ADARB2: variants seen among roughly 807,000 people sequenced by gnomAD.
ADARB2 encodes the protein inactive double-stranded RNA-specific editase B2.
Under a neutral mutation model 62.2 loss-of-function variants are expected in ADARB2, and 25 were observed. The observed-to-expected ratio is 0.40, with a 90% CI of 0.29 to 0.56. The LOEUF (loss-of-function observed/expected upper bound fraction) is 0.56, where lower values mean the gene tolerates loss of function less well. ADARB2 is among the 20% of genes least tolerant of loss of function. ADARB2 has a pLI of 0.43. For missense variants in ADARB2, 1,071 were observed against 1,077.4 expected (o/e 0.99, Z 0.08); for synonymous variants, 572 against 500.8 (o/e 1.14, Z -1.90).
At chr10:1,499,695 TACTC>T (rs1276098477) in intron 1 of ADARB2, among the ~76,000 whole-genome samples, 1 of 151,844 alleles carries the variant, frequency 6.6e-6, no homozygotes, top group Non-Finnish European at 1.5e-5. Context: ...ATTCACTCAT[TACTC>T]ACTCATAATT....
chr10:1,250,004 C>T (rs941418881), intron 4 of ADARB2, among the ~76,000 whole-genome samples: 2 of 137,866 alleles, frequency 1.5e-5, no homozygotes, highest in South Asian at 2.8e-4. Context: ...ATAAGTTTAA[C>T]GAGAAATGAC....
At chr10:1,303,712 G>C (rs533378977) in intron 3 of ADARB2, among the ~76,000 whole-genome samples, 1 of 152,250 alleles carries the variant, frequency 6.6e-6, no homozygotes, top group African/African-American at 2.4e-5. Flanking sequence ...GAAGAGAGTG[G>C]GGACCAATAT....
chr10:1,647,527 ATGTG>A (rs1834059183), intron 1 of ADARB2, among the ~76,000 whole-genome samples: 1 of 152,018 alleles, frequency 6.6e-6, no homozygotes, highest in African/African-American at 2.4e-5. Flanking sequence ...ATATGCATGC[ATGTG>A]TGTTTATGTG....
chr10:1,265,978 G>T (rs1831194439), intron 4 of ADARB2, among the ~76,000 whole-genome samples: 1 of 132,292 alleles, frequency 7.6e-6, no homozygotes. Flanking sequence ...CCGGAAGACG[G>T]CCTGAGTCAG....
intron 1 of ADARB2, among the ~76,000 whole-genome samples, chr10:1,658,231 T>C (rs1439905685): frequency 6.6e-6 from 1 of 151,750 alleles, no homozygotes. Flanking sequence ...TATCTGATTC[T>C]CTCTCTCTCT....
At position 1,571,285 on chromosome 10, in the gene ADARB2, CT is replaced by C. The variant is rs768695693; in HGVS notation, c.100+165765del. Among the ~76,000 whole-genome samples, 399 of 139,342 alleles carry C rather than the reference CT, an allele frequency of 2.9e-3. 9 individuals carry two copies. In the East Asian group the frequency reaches 0.043, roughly 15 times the overall value. 91.4% of individuals were successfully genotyped at this position (139,342 alleles called of 152,430 possible). A position where few individuals can be genotyped will look rare whatever the true frequency, so the allele number is the denominator to read the frequency against. ...AAGTGTAACTTTTGATCTATTTTTA[CT>C]TTTTTTTTTTTAAAAAAAGCCTGTA... On this transcript the variant is annotated intron_variant, in intron 1 of 9. Coordinates refer to ENST00000381312, the MANE Select transcript of ADARB2 (RefSeq NM_018702.4).
chr10:1,559,046 C>T (rs1438786737), intron 1 of ADARB2, among the ~76,000 whole-genome samples: 1 of 152,208 alleles, frequency 6.6e-6, no homozygotes, highest in Non-Finnish European at 1.5e-5. Context: ...CTCTCAATCG[C>T]ATCCCCAGTG....
At chr10:1,576,152 G>GAGGGGGCCCAGA (rs1833017732) in intron 1 of ADARB2, among the ~76,000 whole-genome samples, 1 of 127,570 alleles carries the variant, frequency 7.8e-6, no homozygotes, top group Non-Finnish European at 1.7e-5. Context: ...GGGGGTCCAC[G>GAGGGGGCCCAGA]GTCACAGGAG....
chr10:1,402,261 C>T (rs113492092), intron 1 of ADARB2, among the ~76,000 whole-genome samples: 2,911 of 152,298 alleles, frequency 0.019, 42 homozygotes, highest in Middle Eastern at 0.044. Context: ...TTTACGCGTG[C>T]GCGCGCCGGT....
intron 1 of ADARB2, among the ~76,000 whole-genome samples, chr10:1,627,924 T>TC (rs1469289062): frequency 6.6e-6 from 1 of 152,006 alleles, no homozygotes; most frequent in Non-Finnish European, 1.5e-5. Context: ...AAGGTGTGAC[T>TC]CCCCCCAGCA....
chr10:1,678,962 C>A (rs1166026404), intron 1 of ADARB2, among the ~76,000 whole-genome samples: 7 of 152,204 alleles, frequency 4.6e-5, no homozygotes, highest in Admixed American at 6.5e-5. Flanking sequence ...CCCTCACGGG[C>A]ATTCAGGCCA....
chr10:1,223,760 C>A (rs9651399), intron 6 of ADARB2, among the ~76,000 whole-genome samples: 5 of 151,952 alleles, frequency 3.3e-5, no homozygotes, highest in African/African-American at 7.3e-5. Flanking sequence ...GCCTTGCATC[C>A]CAGGGATGAA....
intron 1 of ADARB2, among the ~76,000 whole-genome samples, chr10:1,466,613 A>C (rs1303355783): frequency 1.3e-5 from 2 of 152,120 alleles, no homozygotes; most frequent in Admixed American, 6.5e-5. Flanking sequence ...ATGAGAGAGG[A>C]GGGGCCCCTC....
chr10:1,319,837 G>A (rs777027171), intron 3 of ADARB2, among the ~76,000 whole-genome samples: 16 of 152,246 alleles, frequency 1.1e-4, no homozygotes, highest in East Asian at 1.9e-4. Context: ...TTAGAGAGTC[G>A]CCATGTTGTC....
chr10:1,455,599 G>A (rs1049045850), intron 1 of ADARB2, among the ~76,000 whole-genome samples: 2 of 152,148 alleles, frequency 1.3e-5, no homozygotes, highest in Admixed American at 6.5e-5. Context: ...TAATGTGTTC[G>A]ATCCAGTTTT....
intron 3 of ADARB2, among the ~76,000 whole-genome samples, chr10:1,349,195 T>C (rs543779527): frequency 6.6e-4 from 100 of 152,300 alleles, no homozygotes; most frequent in Non-Finnish European, 1.1e-3. Flanking sequence ...TGGCTCATCC[T>C]GGCTCAAAAG....
intron 1 of ADARB2, among the ~76,000 whole-genome samples, chr10:1,611,541 G>C (rs1230734177): frequency 6.6e-6 from 1 of 152,136 alleles, no homozygotes. Context: ...CGTGGGATGA[G>C]AACTCGGCTC....
rs1340981618 is a variant in ADARB2 at position 1,572,185 on chromosome 10, AGGTGAGTGTGCT to A, written c.100+164854_100+164865del. On this transcript the variant is annotated intron_variant, in intron 1 of 9. Coordinates refer to ENST00000381312, the MANE Select transcript of ADARB2 (RefSeq NM_018702.4). The stretch of plus-strand genomic sequence containing the variant: ...CAGGTGAGTGTGCAGGCGAGTAGGC[AGGTGAGTGTGCT>A]GGTGAGTGTGCAGGTGAGTGTACAA... 7.3e-5 allele frequency among the ~76,000 whole-genome samples: 11 copies of A among 150,470 alleles called. No individual in the cohort carries two copies. In the East Asian group the frequency reaches 7.9e-4, roughly 11 times the overall value.
At chr10:1,562,729 C>T (rs1443534526) in intron 1 of ADARB2, among the ~76,000 whole-genome samples, 1 of 152,238 alleles carries the variant, frequency 6.6e-6, no homozygotes, top group African/African-American at 2.4e-5. Context: ...ACCAGCCTGC[C>T]ATGATGGGCA....
Sources: gnomAD v4.1 joint callset for allele counts (sites outside exome capture counted in the v4.1 genomes callset) on GRCh38, gnomAD v4.1.1 for gene constraint, MANE v1.5 for transcripts, NCBI Gene and HGNC (gene_info 2026-07-23, HGNC 2026-07-21) for gene names.